The following DRC11 variants were observed in gnomAD, a reference collection of about 807,000 sequenced individuals.
DRC11 encodes the protein dynein regulatory complex subunit 11, also known as IQ and AAA domain-containing protein 1.
the DRC11 span, chr2:236,367,950 T>G: frequency 1.9e-6 from 1 of 531,028 alleles, no homozygotes; most frequent in Non-Finnish European, 3.4e-6. This position sits in a 1 kb window ranked among gnomAD's most constrained non-coding sequence, Gnocchi z 4.8. Flanking sequence ...GCTCATTGCC[T>G]GTATGTCCTT....
At chr2:236,375,658 G>C in the DRC11 span, among the ~76,000 whole-genome samples, 1 of 152,196 alleles carries the variant, frequency 6.6e-6, no homozygotes, top group Non-Finnish European at 1.5e-5. This position sits in a 1 kb window ranked among gnomAD's most constrained non-coding sequence, Gnocchi z 4.2. Context: ...ACCACCCTTT[G>C]ATCAAAGGAG....
chr2:236,313,129 A>G, the DRC11 span, among the ~76,000 whole-genome samples: 2 of 152,298 alleles, frequency 1.3e-5, no homozygotes, highest in East Asian at 3.9e-4. This position sits in a 1 kb window ranked among gnomAD's most constrained non-coding sequence, Gnocchi z 4.5. Flanking sequence ...ATTCTTACAA[A>G]GAACAGAAAA....
the DRC11 span, chr2:236,497,036 T>C: frequency 6.6e-6 from 5 of 761,368 alleles, no homozygotes; most frequent in South Asian, 1.9e-5. The surrounding 1 kb of genome is among the most constrained non-coding windows in gnomAD (Gnocchi z 5.1). Flanking sequence ...GGCAAATGTT[T>C]AGATTTTCCG....
At chr2:236,374,391 T>A in the DRC11 span, among the ~76,000 whole-genome samples, 3 of 152,230 alleles carry the variant, frequency 2.0e-5, no homozygotes, top group Admixed American at 2.0e-4. Context: ...GATATTTGAC[T>A]ACTTTGGTTA....
chr2:236,371,584 T>C, the DRC11 span, among the ~76,000 whole-genome samples: 1 of 152,144 alleles, frequency 6.6e-6, no homozygotes, highest in Non-Finnish European at 1.5e-5. This position sits in a 1 kb window ranked among gnomAD's most constrained non-coding sequence, Gnocchi z 5.1. Context: ...TCTTATGCAT[T>C]GCACTCTCTC....
chr2:236,503,614 G>T, the DRC11 span: 1 of 1,547,788 alleles, frequency 6.5e-7, no homozygotes, highest in Non-Finnish European at 8.7e-7. This position sits in a 1 kb window ranked among gnomAD's most constrained non-coding sequence, Gnocchi z 4.9. Context: ...AAAGCACACG[G>T]ATCCCTGCAT....
the DRC11 span, among the ~76,000 whole-genome samples, chr2:236,357,776 T>TATATGTTATA: frequency 7.9e-6 from 1 of 125,868 alleles, no homozygotes; most frequent in African/African-American, 3.2e-5. Flanking sequence ...ACTATGTAAA[T>TATATGTTATA]ATATGTTATA....
chr2:236,497,101 C>G, the DRC11 span: 2 of 1,228,138 alleles, frequency 1.6e-6, no homozygotes, highest in African/African-American at 3.1e-5. This position sits in a 1 kb window ranked among gnomAD's most constrained non-coding sequence, Gnocchi z 5.1. Flanking sequence ...GTACAGATAT[C>G]GGGTACATAT....
At chr2:236,408,373 T>C in the DRC11 span, 5 of 754,106 alleles carry the variant, frequency 6.6e-6, no homozygotes. The surrounding 1 kb of genome is among the most constrained non-coding windows in gnomAD (Gnocchi z 5.5). Flanking sequence ...GGTGTGTCAA[T>C]GACTTGTGAC....
chr2:236,442,037 G>C, the DRC11 span, among the ~76,000 whole-genome samples: 174 of 152,178 alleles, frequency 1.1e-3, 2 homozygotes, highest in Non-Finnish European at 2.1e-3. Flanking sequence ...GGAATTTGAG[G>C]CTGAAGTGAG....
the DRC11 span, among the ~76,000 whole-genome samples, chr2:236,310,636 C>T: frequency 6.6e-6 from 1 of 152,182 alleles, no homozygotes; most frequent in Non-Finnish European, 1.5e-5. This position sits in a 1 kb window ranked among gnomAD's most constrained non-coding sequence, Gnocchi z 5.5. Context: ...GCCAGACAGG[C>T]ACCACTGTCG....
the DRC11 span, among the ~76,000 whole-genome samples, chr2:236,466,343 A>C: frequency 3.5e-4 from 54 of 152,338 alleles, no homozygotes; most frequent in African/African-American, 1.3e-3. Flanking sequence ...ATAATATCAT[A>C]GACTGCAATT....
At chr2:236,360,234 G>A in the DRC11 span, among the ~76,000 whole-genome samples, 1 of 152,144 alleles carries the variant, frequency 6.6e-6, no homozygotes, top group African/African-American at 2.4e-5. This position sits in a 1 kb window ranked among gnomAD's most constrained non-coding sequence, Gnocchi z 5.8. Context: ...GGAGGCTCTG[G>A]AGCCAGACTG....
the DRC11 span, among the ~76,000 whole-genome samples, chr2:236,439,365 T>A: frequency 6.6e-6 from 1 of 152,236 alleles, no homozygotes; most frequent in Admixed American, 6.5e-5. Flanking sequence ...GATATTTCCA[T>A]GCATTCATTC....
the DRC11 span, chr2:236,399,319 G>T: frequency 1.0e-6 from 1 of 992,882 alleles, no homozygotes; most frequent in Non-Finnish European, 1.6e-6. The surrounding 1 kb of genome is among the most constrained non-coding windows in gnomAD (Gnocchi z 7.0). Context: ...CAGGCAGAAT[G>T]TCTCGGTTGT....
At chr2:236,473,236 G>C in the DRC11 span, among the ~76,000 whole-genome samples, 1 of 152,108 alleles carries the variant, frequency 6.6e-6, no homozygotes, top group South Asian at 2.1e-4. The surrounding 1 kb of genome is among the most constrained non-coding windows in gnomAD (Gnocchi z 4.8). Flanking sequence ...CTTTGGCTTT[G>C]ACAGCAATTC....
chr2:236,448,848 C>G, the DRC11 span, among the ~76,000 whole-genome samples: 2 of 151,928 alleles, frequency 1.3e-5, no homozygotes, highest in Non-Finnish European at 2.9e-5. This position sits in a 1 kb window ranked among gnomAD's most constrained non-coding sequence, Gnocchi z 5.3. Context: ...ACAGAGGGCG[C>G]TGTTAGTTTT....
At chr2:236,491,231 A>ACACAG in the DRC11 span, among the ~76,000 whole-genome samples, 1 of 69,544 alleles carries the variant, frequency 1.4e-5, no homozygotes, top group Non-Finnish European at 3.0e-5. Flanking sequence ...ATATATATAT[A>ACACAG]TATATATATA....
the DRC11 span, among the ~76,000 whole-genome samples, chr2:236,335,275 G>T: frequency 6.6e-6 from 1 of 152,206 alleles, no homozygotes; most frequent in African/African-American, 2.4e-5. The surrounding 1 kb of genome is among the most constrained non-coding windows in gnomAD (Gnocchi z 5.6). Context: ...CAGTCTTTCT[G>T]TAAGACAGAT....
Sources: gnomAD v4.1 joint callset for allele counts (sites outside exome capture counted in the v4.1 genomes callset) on GRCh38, gnomAD v4.1.1 for gene constraint, Gnocchi (gnomAD v3.1) non-coding constraint, MANE v1.5 for transcripts, NCBI Gene and HGNC (gene_info 2026-07-23, HGNC 2026-07-21) for gene names.